Variants in FHDC1 observed in about 807,000 individuals in gnomAD.
The protein encoded by FHDC1 is FH2 domain containing 1, also known as FH2 domain-containing protein 1.
In FHDC1, 25 loss-of-function variants were observed where a neutral mutation model predicts 52.6. The observed-to-expected ratio is 0.48, with a 90% CI of 0.35 to 0.66. FHDC1 has a LOEUF of 0.66. Among genes scored for constraint, FHDC1 ranks in the 30% least tolerant of loss-of-function variants. The pLI is 0.01. For synonymous variants in FHDC1, 616 were observed against 581.5 expected (o/e 1.06, Z -0.85); for missense variants, 1,459 against 1,452.8 (o/e 1.00, Z -0.07).
chr4:152,966,228 A>G (rs1740451848), intron 9 of FHDC1, among the ~76,000 whole-genome samples: 1 of 152,184 alleles, frequency 6.6e-6, no homozygotes. Flanking sequence ...TCTTAGAAAA[A>G]TCCTATTCAG....
chr4:152,922,957 A>G, the FHDC1 span, among the ~76,000 whole-genome samples: 2 of 152,158 alleles, frequency 1.3e-5, no homozygotes, highest in African/African-American at 4.8e-5. Context: ...CAAGACAGGG[A>G]TGCCCTCTGT....
At chr4:152,944,787 G>A (rs1442619168) in intron 2 of FHDC1, among the ~76,000 whole-genome samples, 3 of 152,236 alleles carry the variant, frequency 2.0e-5, no homozygotes, top group Non-Finnish European at 4.4e-5. Context: ...CGTCAGTGCT[G>A]AACACAGGCT....
At chr4:152,957,864 A>T (rs1054727774) in intron 4 of FHDC1, among the ~76,000 whole-genome samples, 12 of 152,178 alleles carry the variant, frequency 7.9e-5, no homozygotes, top group Non-Finnish European at 1.6e-4. Context: ...GTGGGCCCAG[A>T]AATGAAACTC....
chr4:152,916,141 GA>G, the FHDC1 span, among the ~76,000 whole-genome samples: 94,893 of 150,550 alleles, frequency 0.63, 29,884 homozygotes, highest in Admixed American at 0.72. Context: ...CATCACAAAA[GA>G]AAAAAAAAAT....
chr4:152,921,717 A>G, the FHDC1 span, among the ~76,000 whole-genome samples: 1 of 152,090 alleles, frequency 6.6e-6, no homozygotes. Context: ...TGCACAAGCA[A>G]AGATAATTTT....
At chr4:152,923,113 C>T in the FHDC1 span, among the ~76,000 whole-genome samples, 883 of 152,202 alleles carry the variant, frequency 5.8e-3, 12 homozygotes, top group African/African-American at 0.019. Flanking sequence ...AAAACCCCAT[C>T]GTCTCAGCCC....
chr4:152,975,493 T>C lies in FHDC1; in HGVS notation c.2202T>C (p.Ser734=). ...CCATGGGCAGAGATGCCCTGGGGAG[T>C]CTCAGCCCAGCGCTGGAGGATGGCA... ...LTPMGRDALG[S]LSPALEDGKA... The change falls in exon 12 of 12, where the codon AGT becomes AGC. Residue 734 remains serine (S), a synonymous_variant. Coordinates refer to ENST00000511601, the MANE Select transcript of FHDC1 (RefSeq NM_001371116.1). 6.2e-7 allele frequency: 1 copy of C among 1,612,704 alleles called. No individual in the cohort carries two copies. The highest frequency in any genetic ancestry group is 1.1e-5 in the South Asian group (1 of 91,008).
chr4:152,964,126 C>G (rs560720458), intron 8 of FHDC1, among the ~76,000 whole-genome samples: 8 of 152,218 alleles, frequency 5.3e-5, no homozygotes, highest in African/African-American at 1.9e-4. Context: ...GTAGTGATAA[C>G]TTACCCCAAA....
At chr4:152,951,235 T>A (rs953943168) in intron 2 of FHDC1, among the ~76,000 whole-genome samples, 9 of 152,248 alleles carry the variant, frequency 5.9e-5, no homozygotes, top group Non-Finnish European at 4.4e-5. Context: ...CAGATTCTTA[T>A]GCATGGCCTT....
rs150094379 is a variant in FHDC1 at position 152,974,839 on chromosome 4, C to G, written c.1548C>G (p.Leu516=). ...CCAAGAAGGGTGCAGAGGGCCTGCT[C>G]CCTTTCCTGCACCCCAGGCCCATCA... ...LLTKKGAEGL[L]PFLHPRPISP... Residue 516 remains leucine (L), a synonymous_variant, in exon 12 of 12, where the codon CTC becomes CTG. Transcript: ENST00000511601. 6.7e-4 allele frequency: 1,071 copies of G among 1,598,652 alleles called. 6 individuals carry two copies. Among genetic ancestry groups the G allele is most frequent in the Non-Finnish European group, 5.2e-4 (613 of 1,169,970 alleles).
rs760874198 is a variant in FHDC1 at position 152,976,702 on chromosome 4, C to T, written c.3411C>T (p.Ile1137=). ...KDSSRTTLGR[I]LNPLRK is the part of the protein sequence containing the mutation. The stretch of plus-strand genomic sequence containing the variant: ...CCAGTCGGACCACGCTGGGGAGAAT[C>T]CTCAATCCCTTACGGAAGTGATGGG... Residue 1137 remains isoleucine, a synonymous_variant, in exon 12 of 12, where the codon ATC becomes ATT. Coordinates refer to ENST00000511601, the MANE Select transcript of FHDC1 (RefSeq NM_001371116.1). 3.3e-6 allele frequency: 5 copies of T among 1,493,138 alleles called. No individual in the cohort carries two copies. The highest frequency in any genetic ancestry group is 3.6e-4 in the Middle Eastern group (2 of 5,494). 92.5% of individuals were successfully genotyped at this position (1,493,138 alleles called of 1,614,324 possible).
intron 1 of FHDC1, among the ~76,000 whole-genome samples, chr4:152,939,917 G>A (rs1049940790): frequency 2.0e-5 from 3 of 152,304 alleles, no homozygotes; most frequent in Non-Finnish European, 4.4e-5. Context: ...CAGAGTGGGG[G>A]CTAATCCCAT....
In FHDC1 at chr4:152,953,531, C is replaced by T. The variant is rs1190013168; in HGVS notation, c.531C>T (p.Asn177=). 4.3e-6 allele frequency: 7 copies of T among 1,612,250 alleles called. No homozygotes were observed. Among genetic ancestry groups the T allele is most frequent in the Non-Finnish European group, 5.1e-6 (6 of 1,179,870 alleles). The change falls in exon 3 of 12, where the codon AAC becomes AAT. Residue 177 remains asparagine, a synonymous_variant. Transcript: ENST00000511601. ...ITILDAKRSM[N]IGIFLKQFKK... is the part of the protein sequence containing the mutation. ...TTTTGGATGCAAAACGGAGCATGAA[C>T]ATTGGGATATTTCTTAAGCAATTTA...
At chr4:152,957,671 T>C (rs781427721) in intron 4 of FHDC1, among the ~76,000 whole-genome samples, 30 of 152,222 alleles carry the variant, frequency 2.0e-4, no homozygotes, top group Non-Finnish European at 3.7e-4. Context: ...TGTAATCTTA[T>C]CAGCATGCTG....
chr4:152,930,121 C>T, the FHDC1 span, among the ~76,000 whole-genome samples: 1 of 152,188 alleles, frequency 6.6e-6, no homozygotes, highest in African/African-American at 2.4e-5. Context: ...AAGCAGGGCA[C>T]AATTCAAAAC....
chr4:152,949,746 C>T (rs1051715778), intron 2 of FHDC1, among the ~76,000 whole-genome samples: 50 of 152,194 alleles, frequency 3.3e-4, no homozygotes, highest in African/African-American at 1.1e-3. Flanking sequence ...CAACCCTGGC[C>T]CCCTGGCAGT....
Position 152,976,353 on chromosome 4 carries a change from C to A in FHDC1, c.3062C>A (p.Ser1021Ter). The change falls in exon 12 of 12, where the codon TCA becomes TAA. Residue 1021 changes from serine (S) to a stop codon, truncating the protein, a stop_gained. Coordinates refer to ENST00000511601, the MANE Select transcript of FHDC1 (RefSeq NM_001371116.1). LOFTEE classifies it low-confidence loss of function (END_TRUNC). ...ESPKEEPKTP[S>*]VPSVPHELPR... ...CCCAAAGAAGAGCCCAAGACCCCGTCAGTGCCCAGCGTCCCCCACGAACTA... is the reference window on the plus strand; with the variant it reads ...CCCAAAGAAGAGCCCAAGACCCCGTAAGTGCCCAGCGTCCCCCACGAACTA... 1.9e-6 allele frequency: 3 copies of A among 1,613,828 alleles called. No individual in the cohort carries two copies. The highest frequency in any genetic ancestry group is 2.5e-6 in the Non-Finnish European group (3 of 1,180,024).
intron 8 of FHDC1, among the ~76,000 whole-genome samples, chr4:152,963,421 A>G (rs1324425170): frequency 6.6e-6 from 1 of 152,170 alleles, no homozygotes; most frequent in South Asian, 2.1e-4. Flanking sequence ...GCAGTGGGGA[A>G]CCAACAGGAG....
At chr4:152,941,911 G>GCCTGCATGGCGT (rs1739583137) in intron 1 of FHDC1, among the ~76,000 whole-genome samples, 3 of 152,076 alleles carry the variant, frequency 2.0e-5, no homozygotes, top group Admixed American at 2.0e-4. Flanking sequence ...TCACTCAATA[G>GCCTGCATGGCGT]CCTGCATGGC....
Sources: allele counts gnomAD v4.1 joint callset (sites outside exome capture counted in the v4.1 genomes callset), GRCh38; gene constraint gnomAD v4.1.1; transcripts MANE v1.5; gene names NCBI Gene and HGNC (gene_info 2026-07-23, HGNC 2026-07-21).